The following DNAH17 variants were observed in gnomAD, a reference collection of about 807,000 sequenced individuals.
The protein encoded by DNAH17 is dynein axonemal heavy chain 17.
DNAH17 carries 376 observed loss-of-function variants against 485.6 expected under a neutral mutation model. That is an observed-to-expected ratio of 0.77 (90% CI 0.71 to 0.84). DNAH17 has a LOEUF of 0.84. Among genes scored for constraint, DNAH17 ranks in the 40% least tolerant of loss-of-function variants. DNAH17 has a pLI of 0.00. For missense variants in DNAH17, 6,370 were observed against 5,839.3 expected (o/e 1.09, Z -2.96); for synonymous variants, 3,031 against 2,405.9 (o/e 1.26, Z -7.60).
intron 17 of DNAH17, among the ~76,000 whole-genome samples, chr17:78,541,593 G>T (rs538427786): frequency 6.6e-6 from 1 of 152,112 alleles, no homozygotes; most frequent in South Asian, 2.1e-4. Context: ...GCCATACGTG[G>T]TGACAGAGTT....
At chr17:78,527,111 G>A (rs1264163068) in intron 22 of DNAH17, 115 bp from the exon 23 acceptor site, 8 of 813,998 alleles carry the variant, frequency 9.8e-6, no homozygotes, top group African/African-American at 6.9e-5. Context: ...GGGCCGGCGC[G>A]GTGGCTCACA....
Position 78,472,387 on chromosome 17 carries a change from C to T in DNAH17, c.8511+2891G>A, listed in dbSNP as rs570548047. On this transcript the variant is annotated intron_variant, in intron 54 of 80. Transcript: ENST00000389840. ...GGCGGGTGCGAGACACGCAGCAAGG[C>T]CTCCTCCCTGAGAATAACATGAGGC... is the stretch of plus-strand genomic sequence containing the variant. Among the ~76,000 whole-genome samples the T allele has an allele frequency of 3.0e-3, 454 of 151,532 alleles. 4 individuals are homozygous for T. The highest frequency in any genetic ancestry group is 0.01 in the African/African-American group (429 of 41,094).
At chr17:78,516,418 G>A (rs538576149) in intron 25 of DNAH17, among the ~76,000 whole-genome samples, 15 of 152,300 alleles carry the variant, frequency 9.8e-5, no homozygotes, top group South Asian at 2.1e-4. Flanking sequence ...CGGGTGCGGC[G>A]GCTCACGCCT....
Position 78,461,647 on chromosome 17 carries a change from C to T in DNAH17, c.9236G>A (p.Ser3079Asn), listed in dbSNP as rs758033519. 1 of 1,612,208 alleles carries T rather than the reference C, an allele frequency of 6.2e-7. No homozygotes were observed. Among genetic ancestry groups the T allele is most frequent in the Non-Finnish European group, 8.5e-7 (1 of 1,179,378 alleles). ...QEAELKQKNESADQLIQVVGI... is the reference protein window; with the variant it reads ...QEAELKQKNENADQLIQVVGI... ...GACCACCTGGATCAGTTGGTCTGCG[C>T]TCTCATTCTTCTGCTTGAGCTCAGC... Residue 3079 changes from serine to asparagine, a missense_variant, in exon 58 of 81, where the codon AGC becomes AAC. Coordinates refer to ENST00000389840, the MANE Select transcript of DNAH17 (RefSeq NM_173628.4).
intron 52 of DNAH17, 37 bp downstream of exon 52, chr17:78,476,535 T>G: frequency 1.3e-6 from 2 of 1,585,060 alleles, no homozygotes; most frequent in Non-Finnish European, 1.7e-6. Flanking sequence ...CTGGAGCCAT[T>G]CTGGGCTCGG....
chr17:78,428,807 T>C (rs1437783058), intron 76 of DNAH17, 100 bp from the exon 77 acceptor site: 10 of 1,400,512 alleles, frequency 7.1e-6, no homozygotes, highest in Non-Finnish European at 1.0e-5. Flanking sequence ...CACCCACACC[T>C]TGCTGTCTGT....
At chr17:78,549,135 A>T (rs2091843823) in intron 16 of DNAH17, among the ~76,000 whole-genome samples, 3 of 152,168 alleles carry the variant, frequency 2.0e-5, no homozygotes, top group Non-Finnish European at 4.4e-5. Flanking sequence ...AAATTCACAT[A>T]TTCGAGTCCT....
chr17:78,461,422 CCTT>C (rs1252527111), intron 58 of DNAH17, 119 bp downstream of exon 58: 127 of 1,082,324 alleles, frequency 1.2e-4, no homozygotes, highest in Non-Finnish European at 1.5e-4. Flanking sequence ...GGAACCTTGT[CCTT>C]CTATGTAAGT....
At chr17:78,502,766 C>T in intron 32 of DNAH17, 68 bp from the exon 33 acceptor site, 13 of 1,591,834 alleles carry the variant, frequency 8.2e-6, no homozygotes, top group Non-Finnish European at 1.1e-5. Flanking sequence ...GCAGACATTC[C>T]TGCTGAAAGC....
At chr17:78,484,793 T>C (rs2089521534) in intron 48 of DNAH17, 75 bp downstream of exon 48, 1 of 1,022,576 alleles carries the variant, frequency 9.8e-7, no homozygotes, top group East Asian at 6.2e-5. Context: ...GCTCCGCCTC[T>C]TCCTGCGCCC....
In DNAH17 at chr17:78,428,656, A is replaced by G; in HGVS notation, c.12457T>C (p.Tyr4153His). Residue 4153 changes from tyrosine (Y) to histidine (H), a missense_variant, in exon 77 of 81, where the codon TAT (tyrosine) becomes CAT (histidine). Physicochemically the swap from Tyr to His is moderately conservative, Grantham distance 83. Transcript: ENST00000389840. ...ATCTCTGCGTTGGGGTGCAGGCCAT[A>G]CAGATAGGGACTCTCAGGGGGCAGG... ...ENLPPESPYL[Y>H]GLHPNAEIGF... 6.2e-7 allele frequency: 1 copy of G among 1,613,962 alleles called. No individual in the cohort carries two copies. The highest frequency in any genetic ancestry group is 2.2e-5 in the East Asian group (1 of 44,876).
intron 17 of DNAH17, among the ~76,000 whole-genome samples, chr17:78,543,452 G>A (rs375466354): frequency 5.5e-4 from 83 of 152,048 alleles, no homozygotes; most frequent in African/African-American, 1.6e-3. Context: ...CACCGCGCCC[G>A]GCTAATTTTT....
chr17:78,480,882 T>A (rs1166869968), intron 48 of DNAH17, 96 bp from the exon 49 acceptor site: 4 of 833,718 alleles, frequency 4.8e-6, no homozygotes, highest in Admixed American at 2.3e-5. Context: ...CTTATTATTA[T>A]TTTTTTGAGA....
chr17:78,491,262 C>T lies in DNAH17; in HGVS notation c.6669+181G>A, dbSNP rs909885537. On this transcript the variant is annotated intron_variant, in intron 43 of 80. Coordinates refer to ENST00000389840, the MANE Select transcript of DNAH17 (RefSeq NM_173628.4). ...AGGTGAGGCGCATGCAAAACCACAA[C>T]GCATGTGACAAAGTCTCACGACAAG... is the stretch of plus-strand genomic sequence containing the variant. Among the ~76,000 whole-genome samples, 12 of 152,230 alleles carry T rather than the reference C, an allele frequency of 7.9e-5. No individual in the cohort carries two copies. In the South Asian group the frequency reaches 1.0e-3, roughly 13 times the overall value.
At chr17:78,447,493 G>T (rs575360592) in intron 69 of DNAH17, among the ~76,000 whole-genome samples, 2 of 152,300 alleles carry the variant, frequency 1.3e-5, no homozygotes, top group South Asian at 4.1e-4. Flanking sequence ...TGGGAGCAGG[G>T]GCAATGGCCA....
At chr17:78,570,912 C>A (rs1485802919) in intron 6 of DNAH17, 36 bp downstream of exon 6, 4 of 1,293,230 alleles carry the variant, frequency 3.1e-6, no homozygotes, top group Non-Finnish European at 4.3e-6. Flanking sequence ...AAACAAGACC[C>A]TCCCCACCAA....
At chr17:78,501,503 C>T in intron 34 of DNAH17, 159 bp from the exon 35 acceptor site, 1 of 1,016,614 alleles carries the variant, frequency 9.8e-7, no homozygotes. Flanking sequence ...GTATGGCCAC[C>T]CTCAGTGGAA....
intron 42 of DNAH17, 81 bp from the exon 43 acceptor site, chr17:78,491,651 C>G (rs1341546025): frequency 2.0e-5 from 31 of 1,526,370 alleles, no homozygotes; most frequent in Non-Finnish European, 2.6e-5. Context: ...CCTGGCCTCT[C>G]TCTCTGGGAG....
In DNAH17 at chr17:78,537,471, G is replaced by T; in HGVS notation, c.2687C>A (p.Ala896Asp). The T allele has an allele frequency of 6.2e-7, 1 of 1,613,310 alleles. No homozygotes were observed. Among genetic ancestry groups the T allele is most frequent in the Non-Finnish European group, 8.5e-7 (1 of 1,179,836 alleles). ...CTCCATGCGGATCTCAAACAGGGGA[G>T]CGATACTCTCCTGAAAGAGGGGTGG... ...MDNMVIDESI[A>D]PLFEIRMELD... The change falls in exon 19 of 81, where the codon GCT (alanine) becomes GAT (aspartate). Residue 896 changes from alanine to aspartate, a missense_variant. By Grantham distance (126) the Ala-to-Asp change is moderately radical. Coordinates refer to ENST00000389840, the MANE Select transcript of DNAH17 (RefSeq NM_173628.4).
Sources: gnomAD v4.1 joint callset for allele counts (sites outside exome capture counted in the v4.1 genomes callset) on GRCh38, gnomAD v4.1.1 for gene constraint, MANE v1.5 for transcripts, NCBI Gene and HGNC (gene_info 2026-07-23, HGNC 2026-07-21) for gene names.